The following NELL1 variants were observed in gnomAD, a reference collection of about 807,000 sequenced individuals.
NELL1 encodes protein kinase C-binding protein NELL1.
In NELL1, 76 loss-of-function variants were observed where a neutral mutation model predicts 107.4. The ratio of observed to expected loss-of-function variants is 0.71; its 90% CI spans 0.59 to 0.86. The LOEUF (loss-of-function observed/expected upper bound fraction) is 0.86, where lower values mean the gene tolerates loss of function less well. Among genes scored for constraint, NELL1 ranks in the 40% least tolerant of loss-of-function variants. NELL1 has a pLI of 0.00. For missense variants in NELL1, 1,024 were observed against 1,005.5 expected (o/e 1.02, Z -0.25); for synonymous variants, 353 against 341.2 (o/e 1.03, Z -0.38).
chr11:20,864,799 C>G (rs1849063705), intron 4 of NELL1, among the ~76,000 whole-genome samples: 1 of 152,206 alleles, frequency 6.6e-6, no homozygotes, highest in Non-Finnish European at 1.5e-5. Flanking sequence ...CCTGTCAGCT[C>G]TTGCCTTTTT....
chr11:20,707,172 G>A (rs963860492), intron 2 of NELL1, among the ~76,000 whole-genome samples: 12 of 152,082 alleles, frequency 7.9e-5, no homozygotes, highest in East Asian at 1.9e-4. Flanking sequence ...AAGCTTGTGC[G>A]TTTGTCACGT....
intron 16 of NELL1, among the ~76,000 whole-genome samples, chr11:21,540,342 A>C (rs1856259996): frequency 6.6e-6 from 1 of 152,044 alleles, no homozygotes; most frequent in Admixed American, 6.6e-5. Context: ...TCATTCCCCA[A>C]CCTGCACACC....
intron 12 of NELL1, among the ~76,000 whole-genome samples, chr11:21,088,726 T>C (rs1395265572): frequency 6.6e-6 from 1 of 152,204 alleles, no homozygotes; most frequent in East Asian, 1.9e-4. Flanking sequence ...TTTTAAAGTG[T>C]ATCTTCAAAA....
intron 13 of NELL1, among the ~76,000 whole-genome samples, chr11:21,193,326 C>T (rs971972726): frequency 4.0e-5 from 6 of 151,666 alleles, no homozygotes; most frequent in African/African-American, 1.2e-4. Context: ...AAATAAAGCA[C>T]GCAAGAACCT....
chr11:21,324,902 G>C (rs1850094049), intron 14 of NELL1, among the ~76,000 whole-genome samples: 1 of 152,056 alleles, frequency 6.6e-6, no homozygotes, highest in African/African-American at 2.4e-5. Flanking sequence ...TAAAAAGAGA[G>C]TTATGTGTTT....
chr11:20,767,447 T>C (rs1856555068), intron 2 of NELL1, among the ~76,000 whole-genome samples: 1 of 152,230 alleles, frequency 6.6e-6, no homozygotes, highest in African/African-American at 2.4e-5. Flanking sequence ...CACGGAGCAC[T>C]GATTGGGACG....
At chr11:20,759,250 A>T (rs1048900612) in intron 2 of NELL1, among the ~76,000 whole-genome samples, 3 of 152,126 alleles carry the variant, frequency 2.0e-5, no homozygotes, top group African/African-American at 7.2e-5. Context: ...GTATTTTGGT[A>T]TTTGCTTCTT....
intron 13 of NELL1, among the ~76,000 whole-genome samples, chr11:21,210,951 A>G (rs1179360296): frequency 4.6e-5 from 7 of 152,074 alleles, no homozygotes; most frequent in African/African-American, 1.4e-4. Flanking sequence ...TCTGCCTTCC[A>G]TCATTTCTTC....
intron 2 of NELL1, among the ~76,000 whole-genome samples, chr11:20,746,603 C>T (rs1856009899): frequency 8.1e-6 from 1 of 123,990 alleles, no homozygotes. Flanking sequence ...CACACACACA[C>T]ACACGTGGAA....
chr11:21,410,330 A>G (rs1852344964), intron 15 of NELL1, among the ~76,000 whole-genome samples: 1 of 152,110 alleles, frequency 6.6e-6, no homozygotes, highest in South Asian at 2.1e-4. Context: ...TTTCGAAAGT[A>G]CATTGCCAAC....
At chr11:20,979,857 T>C (rs1244633416) in intron 12 of NELL1, among the ~76,000 whole-genome samples, 1 of 152,188 alleles carries the variant, frequency 6.6e-6, no homozygotes, top group Non-Finnish European at 1.5e-5. Context: ...TTGTGTGTGC[T>C]CCAGGGCACG....
intron 4 of NELL1, among the ~76,000 whole-genome samples, chr11:20,864,328 C>A (rs1216692346): frequency 6.6e-6 from 1 of 152,156 alleles, no homozygotes; most frequent in Non-Finnish European, 1.5e-5. Flanking sequence ...CACAACATCT[C>A]TTCTCTTTGC....
chr11:21,131,086 T>C (rs58212385), intron 13 of NELL1, among the ~76,000 whole-genome samples: 3,559 of 151,964 alleles, frequency 0.023, 137 homozygotes, highest in African/African-American at 0.081. Context: ...TGGGGGGAGA[T>C]GTCAGGATGC....
chr11:20,994,228 C>G (rs1422953797), intron 12 of NELL1, among the ~76,000 whole-genome samples: 1 of 152,134 alleles, frequency 6.6e-6, no homozygotes, highest in Non-Finnish European at 1.5e-5. Flanking sequence ...AGCACACTAT[C>G]AAAAACAATC....
intron 2 of NELL1, among the ~76,000 whole-genome samples, chr11:20,687,234 T>C (rs896502504): frequency 6.6e-6 from 1 of 152,068 alleles, no homozygotes; most frequent in Non-Finnish European, 1.5e-5. Context: ...AGTACATTAT[T>C]ACATGTGGTA....
intron 14 of NELL1, among the ~76,000 whole-genome samples, chr11:21,355,921 G>A (rs573561287): frequency 7.6e-4 from 116 of 152,098 alleles, no homozygotes; most frequent in African/African-American, 2.7e-3. Context: ...CATTCCTTGG[G>A]GCCTTTGCAC....
At chr11:21,009,995 G>A (rs1852412142) in intron 12 of NELL1, among the ~76,000 whole-genome samples, 1 of 133,992 alleles carries the variant, frequency 7.5e-6, no homozygotes, top group South Asian at 2.3e-4. Context: ...TCCCTGTGCT[G>A]TGGGATGTGG....
At chr11:20,993,589 C>T (rs543625739) in intron 12 of NELL1, among the ~76,000 whole-genome samples, 8 of 152,216 alleles carry the variant, frequency 5.3e-5, no homozygotes, top group East Asian at 3.9e-4. Context: ...CCAAAGTCCA[C>T]GGATGTTCAA....
chr11:20,752,279 G>C lies in NELL1; in HGVS notation c.185-31401G>C, dbSNP rs141305929. ...AAAATAAAATCCTTGGCCAGGTGTGGTGGCTCACACCTATAATCCCAGCAG... is the reference window on the plus strand; with the variant it reads ...AAAATAAAATCCTTGGCCAGGTGTGCTGGCTCACACCTATAATCCCAGCAG... On this transcript the variant is annotated intron_variant, in intron 2 of 19. Coordinates refer to ENST00000357134, the MANE Select transcript of NELL1 (RefSeq NM_006157.5). Among the ~76,000 whole-genome samples, 1,042 of 152,264 alleles carry C rather than the reference G, an allele frequency of 6.8e-3. 7 individuals are homozygous for C. The highest frequency in any genetic ancestry group is 0.024 in the African/African-American group (980 of 41,544).
Sources: allele counts gnomAD v4.1 joint callset (sites outside exome capture counted in the v4.1 genomes callset), GRCh38; gene constraint gnomAD v4.1.1; transcripts MANE v1.5; gene names NCBI Gene and HGNC (gene_info 2026-07-23, HGNC 2026-07-21).